GLIS3: variants seen among roughly 807,000 people sequenced by gnomAD.
GLIS3 encodes the protein zinc finger protein GLIS3.
GLIS3 carries 53 observed loss-of-function variants against 78.6 expected under a neutral mutation model. The observed-to-expected ratio is 0.67, with a 90% confidence interval of 0.54 to 0.85. The LOEUF (loss-of-function observed/expected upper bound fraction) is 0.85, where lower values mean the gene tolerates loss of function less well. GLIS3 is among the 40% of genes least tolerant of loss of function. GLIS3 has a pLI of 0.00. For missense variants in GLIS3, 1,703 were observed against 1,231.1 expected (o/e 1.38, Z -5.74); for synonymous variants, 684 against 509.9 (o/e 1.34, Z -4.60).
At position 4,123,848 on chromosome 9, in the gene GLIS3, C is replaced by A; in HGVS notation, c.596+1886G>T. 1.0e-5 allele frequency: 4 copies of A among 398,142 alleles called. No individual in the cohort carries two copies. In the East Asian group the frequency reaches 1.1e-4, roughly 11 times the overall value. The allele number at this position is 398,142 out of a possible 1,614,324, so 24.7% of individuals were successfully genotyped here. On this transcript the variant is annotated intron_variant, in intron 3 of 10. Coordinates refer to ENST00000381971, the MANE Select transcript of GLIS3 (RefSeq NM_001042413.2). ...TTTTCCATGTTTTCCACATTTTCTA[C>A]AGTGAATAAGAATTACATCTTCAGG... is the stretch of plus-strand genomic sequence containing the variant.
At chr9:4,327,620 G>A (rs1379386380) in intron 2 of GLIS3, among the ~76,000 whole-genome samples, 1 of 152,154 alleles carries the variant, frequency 6.6e-6, no homozygotes, top group East Asian at 1.9e-4. Flanking sequence ...TGTGAAGCTG[G>A]CCGGAAAGGA....
At chr9:4,134,698 C>A (rs1347187545) in intron 2 of GLIS3, among the ~76,000 whole-genome samples, 1 of 152,168 alleles carries the variant, frequency 6.6e-6, no homozygotes, top group Non-Finnish European at 1.5e-5. Context: ...GAATGATTAT[C>A]TAACTTAGGT....
chr9:3,938,403 T>A (rs1163203925), intron 4 of GLIS3, among the ~76,000 whole-genome samples: 1 of 152,204 alleles, frequency 6.6e-6, no homozygotes, highest in African/African-American at 2.4e-5. Flanking sequence ...CAAGAAATTG[T>A]ATAAAACTCT....
At chr9:4,433,400 C>A in the GLIS3 span, among the ~76,000 whole-genome samples, 43 of 151,998 alleles carry the variant, frequency 2.8e-4, no homozygotes, top group Admixed American at 2.8e-3. Context: ...CCACTTCACT[C>A]CAGCCTAGGT....
At chr9:4,008,370 G>A (rs531081784) in intron 4 of GLIS3, among the ~76,000 whole-genome samples, 1 of 152,248 alleles carries the variant, frequency 6.6e-6, no homozygotes, top group Non-Finnish European at 1.5e-5. Flanking sequence ...GTCCCAGAGT[G>A]GCCAGTGCCA....
chr9:4,248,075 T>G (rs1016612017), intron 2 of GLIS3, among the ~76,000 whole-genome samples: 37 of 152,184 alleles, frequency 2.4e-4, no homozygotes, highest in African/African-American at 8.9e-4. Context: ...AGAACCATTA[T>G]TCTTCTATGA....
Position 3,977,988 on chromosome 9 carries a change from C to A in GLIS3, c.1711-40799G>T, listed in dbSNP as rs1818927567. Among the ~76,000 whole-genome samples the A allele has an allele frequency of 6.6e-6, 1 of 152,238 alleles. No individual in the cohort carries two copies. The highest frequency in any genetic ancestry group is 2.4e-5 in the African/African-American group (1 of 41,460). On this transcript the variant is annotated intron_variant, in intron 4 of 10. Transcript: ENST00000381971. This position sits in a 1 kb window ranked among gnomAD's most constrained non-coding sequence, Gnocchi z 4.1. ...ACACCGCTGGGTGCACCCTCCGCTG[C>A]TCCAAACCTGAGAGACAAATGGGAG...
At chr9:3,936,967 A>T in intron 5 of GLIS3, 61 bp downstream of exon 5, 3 of 1,604,056 alleles carry the variant, frequency 1.9e-6, no homozygotes, top group Non-Finnish European at 2.6e-6. Context: ...CCCACTATCA[A>T]GCAGGCACTT....
intron 2 of GLIS3, among the ~76,000 whole-genome samples, chr9:4,329,165 G>C (rs1371842747): frequency 6.6e-6 from 1 of 151,992 alleles, no homozygotes; most frequent in South Asian, 2.1e-4. Context: ...TACCTCTGTG[G>C]CCCTTCATTT....
chr9:4,399,875 G>A, the GLIS3 span, among the ~76,000 whole-genome samples: 1 of 152,146 alleles, frequency 6.6e-6, no homozygotes, highest in African/African-American at 2.4e-5. Context: ...AAAGATGGAG[G>A]GAAAAATATT....
the GLIS3 span, among the ~76,000 whole-genome samples, chr9:4,373,493 T>C: frequency 6.6e-6 from 1 of 152,166 alleles, no homozygotes; most frequent in Non-Finnish European, 1.5e-5. Context: ...GGGGAAAAAC[T>C]GTTGAAGCTG....
rs1482513525 is a variant in GLIS3 at position 3,959,053 on chromosome 9, C to T, written c.1711-21864G>A. The stretch of plus-strand genomic sequence containing the variant: ...GGCACTCTATGAATATGGGCTTTTG[C>T]TGTGGTCTGAATGTTTGTATCCCTG... On this transcript the variant is annotated intron_variant, in intron 4 of 10. Coordinates refer to ENST00000381971, the MANE Select transcript of GLIS3 (RefSeq NM_001042413.2). Among the ~76,000 whole-genome samples, 3 of 152,308 alleles carry T rather than the reference C, an allele frequency of 2.0e-5. No homozygotes were observed. The East Asian group carries it at 5.8e-4, about 29-fold the overall frequency.
the GLIS3 span, among the ~76,000 whole-genome samples, chr9:4,453,810 G>A: frequency 1.3e-5 from 2 of 152,090 alleles, no homozygotes; most frequent in Admixed American, 1.3e-4. Flanking sequence ...AGAACACTTG[G>A]ACACAGGGTG....
intron 4 of GLIS3, among the ~76,000 whole-genome samples, chr9:4,101,452 C>T (rs906874702): frequency 6.6e-6 from 1 of 152,046 alleles, no homozygotes; most frequent in Non-Finnish European, 1.5e-5. Context: ...CTGTATAAAC[C>T]ATATAAAGCT....
At chr9:4,378,078 C>T in the GLIS3 span, among the ~76,000 whole-genome samples, 11 of 152,110 alleles carry the variant, frequency 7.2e-5, no homozygotes, top group East Asian at 3.9e-4. Context: ...TTAGAATGAT[C>T]GTGAACATGA....
intron 2 of GLIS3, among the ~76,000 whole-genome samples, chr9:4,238,318 G>A (rs188840199): frequency 6.6e-6 from 1 of 151,898 alleles, no homozygotes; most frequent in South Asian, 2.1e-4. Context: ...AGATGACACA[G>A]AAGGAGAGGG....
chr9:4,028,554 T>A (rs1157820773), intron 4 of GLIS3, among the ~76,000 whole-genome samples: 2 of 152,180 alleles, frequency 1.3e-5, no homozygotes, highest in African/African-American at 4.8e-5. Context: ...TAAAGCTCAC[T>A]GAATTTTCAC....
chr9:4,239,166 G>C (rs995704262), intron 2 of GLIS3, among the ~76,000 whole-genome samples: 29 of 112,798 alleles, frequency 2.6e-4, no homozygotes, highest in African/African-American at 9.7e-4. Flanking sequence ...ATGCACTGTT[G>C]TGGGGTGGGG....
At chr9:4,275,924 G>C (rs375059295) in intron 2 of GLIS3, among the ~76,000 whole-genome samples, 18 of 152,226 alleles carry the variant, frequency 1.2e-4, no homozygotes, top group Admixed American at 3.9e-4. Flanking sequence ...TAATCAATAT[G>C]AAAGTTTGTG....
Sources: allele counts gnomAD v4.1 joint callset (sites outside exome capture counted in the v4.1 genomes callset), GRCh38; gene constraint gnomAD v4.1.1; non-coding constraint Gnocchi (gnomAD v3.1); transcripts MANE v1.5; gene names NCBI Gene and HGNC (gene_info 2026-07-23, HGNC 2026-07-21).